Variants in AKAP17A observed in about 807,000 individuals in gnomAD.
The protein encoded by AKAP17A is A-kinase anchor protein 17A.
AKAP17A carries 15 observed loss-of-function variants against 52.2 expected under a neutral mutation model. That is an observed-to-expected ratio of 0.29 (90% CI 0.19 to 0.44). The LOEUF is 0.44. Ranked by LOEUF, AKAP17A falls within the 20% of genes least tolerant of loss-of-function variation. The pLI is 1.00. For synonymous variants in AKAP17A, 514 were observed against 424.7 expected (o/e 1.21, Z -2.58); for missense variants, 1,060 against 1,007.0 (o/e 1.05, Z -0.71).
rs1932886293 is a variant in AKAP17A at position 1,593,866 on chromosome X, A to G, written c.404A>G (p.Lys135Arg). The change falls in exon 2 of 5, where the codon AAG (lysine) becomes AGG (arginine). Residue 135 changes from lysine to arginine, a missense_variant. Lys to Arg is a conservative substitution (Grantham distance 26). Coordinates refer to ENST00000313871, the MANE Select transcript of AKAP17A (RefSeq NM_005088.3). ...TGGGACTCCTTCTTCCGCGACGCCA[A>G]GGACATGAACGAGACCCTGCCGGGG... ...HDWDSFFRDA[K>R]DMNETLPGER... 6.2e-7 allele frequency: 1 copy of G among 1,612,804 alleles called. No homozygotes were observed. Among genetic ancestry groups the G allele is most frequent in the Middle Eastern group, 1.7e-4 (1 of 6,052 alleles).
chrX:1,601,167 A>G lies in AKAP17A; in HGVS notation c.1661A>G (p.Asn554Ser). 2.5e-6 allele frequency: 4 copies of G among 1,613,852 alleles called. No homozygotes were observed. The highest frequency in any genetic ancestry group is 2.2e-5 in the South Asian group (2 of 91,074). ...GGVLSCIPDNNQQPKGIPACE... is the reference protein window; with the variant it reads ...GGVLSCIPDNSQQPKGIPACE... ...GTCCTCTCCTGCATTCCTGACAACA[A>G]CCAACAGCCCAAGGGCATCCCTGCC... The change falls in exon 5 of 5, where the codon AAC becomes AGC. Residue 554 changes from asparagine to serine, a missense_variant. Physicochemically the swap from Asn to Ser is conservative, Grantham distance 46. Transcript: ENST00000313871.
chrX:1,600,913 C>A lies in AKAP17A; in HGVS notation c.1407C>A (p.Asp469Glu), dbSNP rs1211894507. ...CCGACCTGCTGCAGCCCGTCCTGGA[C>A]ATCCTGCAGACCGTGTCGTCCGGCT... The part of the protein sequence containing the change: ...AHADLLQPVL[D>E]ILQTVSSGCV... The change falls in exon 5 of 5, where the codon GAC (aspartate) becomes GAA (glutamate). Residue 469 changes from aspartate to glutamate, a missense_variant. By Grantham distance (45) the Asp-to-Glu change is conservative. Transcript: ENST00000313871. The A allele has an allele frequency of 2.5e-6, 4 of 1,577,158 alleles. No individual in the cohort carries two copies. The East Asian group carries it at 9.3e-5, about 37-fold the overall frequency.
At chrX:1,599,713 C>A in intron 4 of AKAP17A, 1 of 628,166 alleles carries the variant, frequency 1.6e-6, no homozygotes. Flanking sequence ...GGCAGAGGCT[C>A]TCTGTTTCCT....
intron 1 of AKAP17A, among the ~76,000 whole-genome samples, chrX:1,592,320 C>A (rs1266066412): frequency 6.6e-6 from 1 of 151,778 alleles, no homozygotes; most frequent in South Asian, 2.1e-4. Context: ...CCAGGGGTGC[C>A]AGCGGCAGCC....
chrX:1,600,790 G>C lies in AKAP17A; in HGVS notation c.1284G>C (p.Gln428His), dbSNP rs1310095009. Residue 428 changes from glutamine to histidine, a missense_variant, in exon 5 of 5, where the codon CAG becomes CAC. By Grantham distance (24) the Gln-to-His change is conservative (BLOSUM62 0). Around this residue, in one of 2 missense-constraint regions of AKAP17A, gnomAD observed 793 missense variants for 629.9 expected, o/e 1.26. Transcript: ENST00000313871. ...AGAAGGAGCGCGCGCTGGGCCTGCA[G>C]CGGAAAGAGCGGGAGCTGCGCGAGC... ...EEEKERALGLQRKERELRERL... is the reference protein window; with the variant it reads ...EEEKERALGLHRKERELRERL... 1 of 1,584,846 alleles carries C rather than the reference G, an allele frequency of 6.3e-7. No homozygotes were observed. The highest frequency in any genetic ancestry group is 1.3e-5 in the African/African-American group (1 of 74,674).
chrX:1,596,999 G>A (rs1380810133), intron 3 of AKAP17A, among the ~76,000 whole-genome samples: 1 of 151,606 alleles, frequency 6.6e-6, no homozygotes, highest in East Asian at 1.9e-4. Context: ...CTGCACGTCT[G>A]TTGCGCTTCA....
intron 2 of AKAP17A, among the ~76,000 whole-genome samples, chrX:1,594,818 C>T (rs1223976873): frequency 3.9e-5 from 6 of 152,020 alleles, no homozygotes; most frequent in African/African-American, 4.8e-5. Context: ...AGGGTTTTGC[C>T]GTATTGGCCA....
intron 3 of AKAP17A, among the ~76,000 whole-genome samples, chrX:1,598,536 A>G (rs1933150562): frequency 6.6e-6 from 1 of 151,938 alleles, no homozygotes; most frequent in African/African-American, 2.4e-5. Flanking sequence ...GTTGAAATGC[A>G]TTTGAGAGCT....
In AKAP17A at chrX:1,600,829, C is replaced by A; in HGVS notation, c.1323C>A (p.Ile441=). 6.3e-7 allele frequency: 1 copy of A among 1,593,040 alleles called. No individual in the cohort carries two copies. Among genetic ancestry groups the A allele is most frequent in the African/African-American group, 1.3e-5 (1 of 74,894 alleles). The change falls in exon 5 of 5, where the codon ATC becomes ATA. Residue 441 remains isoleucine, a synonymous_variant. Transcript: ENST00000313871. ...ERELRERLLS[I]LLSKKPDDSH... ...AGCTGCGCGAGCGGCTGCTGAGCAT[C>A]CTGCTGAGCAAGAAGCCGGACGACA... is the stretch of plus-strand genomic sequence containing the variant.
rs1933418313 is a variant in AKAP17A at position 1,602,068 on chromosome X, G to C, written c.*474G>C. ...CCCCGTTTGTAATGTTAACTGATCAGGAAGTGCAGTTTGGGTGGGATGCCG... is the reference window on the plus strand; with the variant it reads ...CCCCGTTTGTAATGTTAACTGATCACGAAGTGCAGTTTGGGTGGGATGCCG... On this transcript the variant is annotated 3_prime_UTR_variant, in exon 5 of 5. Transcript: ENST00000313871. The C allele has an allele frequency of 6.3e-6, 1 of 158,762 alleles. No homozygotes were observed. The highest frequency in any genetic ancestry group is 2.4e-5 in the African/African-American group (1 of 41,744). 9.8% of individuals were successfully genotyped at this position (158,762 alleles called of 1,614,324 possible). A position where few individuals can be genotyped will look rare whatever the true frequency, so the allele number is the denominator to read the frequency against.
At chrX:1,598,481 G>A (rs1352807259) in intron 3 of AKAP17A, among the ~76,000 whole-genome samples, 5 of 152,114 alleles carry the variant, frequency 3.3e-5, no homozygotes, top group Admixed American at 6.6e-5. Flanking sequence ...CCTCCGTGTC[G>A]TGTTCCATAG....
intron 3 of AKAP17A, among the ~76,000 whole-genome samples, chrX:1,596,884 CCTT>C (rs1262755627): frequency 7.2e-6 from 1 of 138,494 alleles, no homozygotes; most frequent in Non-Finnish European, 1.6e-5. Context: ...TCCTCCTCCT[CCTT>C]CTCCGTCCCT....
chrX:1,600,128 C>G (rs1603460306), intron 4 of AKAP17A: 2 of 1,302,254 alleles, frequency 1.5e-6, no homozygotes, highest in East Asian at 5.4e-5. Context: ...AACCTGTTGT[C>G]TGATTACAGT....
In AKAP17A at chrX:1,593,501, C is replaced by T. The variant is rs1440810544; in HGVS notation, c.39C>T (p.Ala13=). Reference sequence around the variant, plus strand: ...CCATCGTGCACGACACGTCTGAGGCCGTGGAGCTCTGCCCTGCTTACGGCT... The same window carrying T: ...CCATCGTGCACGACACGTCTGAGGCTGTGGAGCTCTGCCCTGCTTACGGCT... ...AATIVHDTSE[A]VELCPAYGLY... The change falls in exon 2 of 5, where the codon GCC becomes GCT. Residue 13 remains alanine (A), a synonymous_variant. Coordinates refer to ENST00000313871, the MANE Select transcript of AKAP17A (RefSeq NM_005088.3). 1.1e-5 allele frequency: 17 copies of T among 1,613,600 alleles called. No homozygotes were observed. Among genetic ancestry groups the T allele is most frequent in the Admixed American group, 1.7e-5 (1 of 59,978 alleles).
chrX:1,599,008 C>G (rs1361689400), intron 3 of AKAP17A, among the ~76,000 whole-genome samples, 184 bp from the exon 4 acceptor site: 3 of 152,200 alleles, frequency 2.0e-5, no homozygotes, highest in Non-Finnish European at 4.4e-5. Context: ...GAGGTCCTCG[C>G]CCGGCTCACT....
intron 2 of AKAP17A, 141 bp downstream of exon 2, chrX:1,594,365 C>T: frequency 9.8e-7 from 1 of 1,018,624 alleles, no homozygotes; most frequent in Non-Finnish European, 1.4e-6. Context: ...AGTCCTGTGC[C>T]TGTCCAATTT....
rs146572098 is a variant in AKAP17A, at chrX:1,601,095, G to A, written c.1589G>A (p.Arg530His). The A allele has an allele frequency of 2.9e-3, 4,622 of 1,613,816 alleles. 99 individuals are homozygous for A. The highest frequency in any genetic ancestry group is 8.2e-3 in the East Asian group (369 of 44,868). ...TGCAAGGAGGTTCAGAGCTCCTGTC[G>A]TGTGGTCCCCGAGGATGGCTCTCCA... Reference protein sequence around the residue: ...APCKEVQSSCRVVPEDGSPEK... With the variant: ...APCKEVQSSCHVVPEDGSPEK... Residue 530 changes from arginine (R) to histidine (H), a missense_variant, in exon 5 of 5, where the codon CGT (arginine) becomes CAT (histidine). By Grantham distance (29) the Arg-to-His change is conservative (BLOSUM62 0). This residue lies in a region of AKAP17A where 793 missense variants were observed against 629.9 expected (regional missense o/e 1.26). Coordinates refer to ENST00000313871, the MANE Select transcript of AKAP17A (RefSeq NM_005088.3).
chrX:1,597,003 C>T (rs186180502), intron 3 of AKAP17A, among the ~76,000 whole-genome samples: 162 of 151,694 alleles, frequency 1.1e-3, no homozygotes, highest in African/African-American at 3.6e-3. Context: ...ACGTCTGTTG[C>T]GCTTCATGTC....
chrX:1,596,226 T>A (rs867739095), intron 3 of AKAP17A, among the ~76,000 whole-genome samples: 29 of 133,974 alleles, frequency 2.2e-4, no homozygotes, highest in Admixed American at 6.8e-4. Flanking sequence ...TGGCCAGATT[T>A]AAAAAAAAAA....
Sources: allele counts gnomAD v4.1 joint callset (sites outside exome capture counted in the v4.1 genomes callset), GRCh38; gene constraint gnomAD v4.1.1; regional missense constraint gnomAD v4.1.1; transcripts MANE v1.5; gene names NCBI Gene and HGNC (gene_info 2026-07-23, HGNC 2026-07-21).